Variants in CCSER1 observed in about 807,000 individuals in gnomAD.
CCSER1 encodes coiled-coil serine rich protein 1, also known as serine-rich coiled-coil domain-containing protein 1.
A neutral mutation model predicts 82.0 loss-of-function variants in CCSER1; 41 were observed. The observed-to-expected ratio is 0.50, with a 90% confidence interval of 0.39 to 0.65. CCSER1 has a LOEUF of 0.65. CCSER1 is among the 30% of genes least tolerant of loss of function. CCSER1 has a pLI of 0.00. For missense variants in CCSER1, 1,119 were observed against 1,064.2 expected, an observed-to-expected ratio of 1.05 and a Z score of -0.72; for synonymous variants, 414 against 383.9, an observed-to-expected ratio of 1.08 and a Z score of -0.92.
At chr4:90,413,578 A>G (rs575106957) in intron 4 of CCSER1, among the ~76,000 whole-genome samples, 14 of 152,320 alleles carry the variant, frequency 9.2e-5, no homozygotes, top group African/African-American at 2.4e-4. Flanking sequence ...TGGTACTGGT[A>G]TAAAAATGAT....
intron 4 of CCSER1, among the ~76,000 whole-genome samples, chr4:90,447,336 TG>T (rs1209317004): frequency 6.6e-6 from 1 of 150,532 alleles, no homozygotes; most frequent in Non-Finnish European, 1.5e-5. Flanking sequence ...GTGGTCTTCC[TG>T]GGGAAAAAAA....
intron 5 of CCSER1, among the ~76,000 whole-genome samples, chr4:90,559,726 C>G (rs926503708): frequency 1.6e-4 from 23 of 143,396 alleles, no homozygotes; most frequent in Non-Finnish European, 2.7e-4. Context: ...AGGAGAATGG[C>G]GTGAACCTGG....
intron 8 of CCSER1, among the ~76,000 whole-genome samples, chr4:90,921,849 AC>A (rs1349081641): frequency 6.6e-5 from 10 of 152,092 alleles, no homozygotes; most frequent in African/African-American, 2.4e-4. Context: ...AGATAATCAA[AC>A]TTTTGTAAAT....
intron 7 of CCSER1, among the ~76,000 whole-genome samples, chr4:90,748,522 C>G (rs1350793479): frequency 1.4e-5 from 2 of 147,380 alleles, no homozygotes; most frequent in Non-Finnish European, 3.0e-5. Flanking sequence ...TTTATAGCAG[C>G]ACGATTTATA....
chr4:90,572,722 CAT>C (rs1488234319), intron 5 of CCSER1, among the ~76,000 whole-genome samples: 1 of 152,058 alleles, frequency 6.6e-6, no homozygotes, highest in East Asian at 1.9e-4. Context: ...ATTCCGTTCA[CAT>C]GTTTTTCTTA....
At chr4:90,467,456 C>T (rs1351790170) in intron 4 of CCSER1, among the ~76,000 whole-genome samples, 6 of 151,752 alleles carry the variant, frequency 4.0e-5, no homozygotes, top group East Asian at 1.9e-4. Flanking sequence ...GAGGCTGAGG[C>T]GGGCCGATCT....
intron 10 of CCSER1, among the ~76,000 whole-genome samples, chr4:91,356,997 C>T (rs1046890411): frequency 6.6e-6 from 1 of 152,102 alleles, no homozygotes; most frequent in Non-Finnish European, 1.5e-5. Flanking sequence ...GCCATGTGCA[C>T]AAGCATAACA....
At chr4:91,101,194 A>G (rs1360807674) in intron 10 of CCSER1, among the ~76,000 whole-genome samples, 1 of 152,218 alleles carries the variant, frequency 6.6e-6, no homozygotes, top group East Asian at 1.9e-4. Flanking sequence ...ACTTACAACA[A>G]GATTAAGCAG....
intron 1 of CCSER1, among the ~76,000 whole-genome samples, chr4:90,158,510 T>C (rs1728769622): frequency 6.6e-6 from 1 of 152,214 alleles, no homozygotes; most frequent in Non-Finnish European, 1.5e-5. Context: ...GCAGGCCTCC[T>C]TGAGCTGTGG....
intron 10 of CCSER1, among the ~76,000 whole-genome samples, chr4:91,321,755 GCCTTCCC>G (rs1308383902): frequency 6.6e-6 from 1 of 151,942 alleles, no homozygotes; most frequent in Non-Finnish European, 1.5e-5. Flanking sequence ...GAGCATGCAT[GCCTTCCC>G]ATCCTCCCAG....
chr4:91,446,928 G>T (rs1175747309), intron 10 of CCSER1, among the ~76,000 whole-genome samples: 13 of 151,888 alleles, frequency 8.6e-5, no homozygotes, highest in Non-Finnish European at 1.5e-5. Context: ...ATTTGGTTTA[G>T]TTAAAACTGT....
At chr4:90,900,251 C>T (rs768409582) in intron 8 of CCSER1, among the ~76,000 whole-genome samples, 7 of 151,694 alleles carry the variant, frequency 4.6e-5, no homozygotes, top group South Asian at 2.1e-4. Context: ...AGATTGTCTG[C>T]GTAGAGATGT....
rs111860883 is a variant in CCSER1 at position 91,238,064 on chromosome 4, C to T, written c.2217+152070C>T. On this transcript the variant is annotated intron_variant, in intron 10 of 10. Transcript: ENST00000509176. Reference sequence around the variant, plus strand: ...TGGGATAGGCAGAGTTTAAAGATGACCCCCAATGACCCATTCTTTATATCA... The same window carrying T: ...TGGGATAGGCAGAGTTTAAAGATGATCCCCAATGACCCATTCTTTATATCA... Among the ~76,000 whole-genome samples the T allele has an allele frequency of 7.2e-3, 1,098 of 152,186 alleles. 14 individuals carry two copies. Among genetic ancestry groups the T allele is most frequent in the African/African-American group, 0.025 (1,040 of 41,500 alleles).
At chr4:90,952,719 G>T (rs538641665) in intron 9 of CCSER1, among the ~76,000 whole-genome samples, 1 of 151,980 alleles carries the variant, frequency 6.6e-6, no homozygotes, top group Non-Finnish European at 1.5e-5. Context: ...ATTTGCCGAG[G>T]TTAGCTCTGT....
At chr4:91,125,845 T>A (rs1254231760) in intron 10 of CCSER1, among the ~76,000 whole-genome samples, 1 of 151,664 alleles carries the variant, frequency 6.6e-6, no homozygotes, top group Non-Finnish European at 1.5e-5. Flanking sequence ...AAGAATTAGT[T>A]TTTTAAAAAA....
intron 10 of CCSER1, among the ~76,000 whole-genome samples, chr4:91,594,336 CAT>C (rs1427419587): frequency 3.5e-5 from 5 of 144,248 alleles, no homozygotes; most frequent in Admixed American, 6.9e-5. Context: ...TATGTACACA[CAT>C]ATATATACAT....
intron 5 of CCSER1, among the ~76,000 whole-genome samples, chr4:90,569,472 T>A (rs1345381738): frequency 6.6e-6 from 1 of 152,168 alleles, no homozygotes; most frequent in African/African-American, 2.4e-5. Flanking sequence ...CTCAAAGTAG[T>A]TGGGCAACAG....
intron 7 of CCSER1, among the ~76,000 whole-genome samples, chr4:90,746,132 T>G (rs1580270807): frequency 6.6e-6 from 1 of 152,330 alleles, no homozygotes; most frequent in East Asian, 1.9e-4. Context: ...ATCAAACTTC[T>G]AATATGGAAC....
chr4:91,497,234 G>A (rs1040777668), intron 10 of CCSER1, among the ~76,000 whole-genome samples: 1 of 151,514 alleles, frequency 6.6e-6, no homozygotes, highest in Non-Finnish European at 1.5e-5. Flanking sequence ...ACCTCATGAA[G>A]CGGTTTTGAA....
Sources: allele counts gnomAD v4.1 joint callset (sites outside exome capture counted in the v4.1 genomes callset), GRCh38; gene constraint gnomAD v4.1.1; transcripts MANE v1.5; gene names NCBI Gene and HGNC (gene_info 2026-07-23, HGNC 2026-07-21).